The following DDAH1 variants were observed in gnomAD, a reference collection of about 807,000 sequenced individuals.
The protein encoded by DDAH1 is dimethylarginine dimethylaminohydrolase 1.
DDAH1 carries 19 observed loss-of-function variants against 28.8 expected under a neutral mutation model. The observed-to-expected ratio is 0.66, with a 90% CI of 0.46 to 0.97. The LOEUF (loss-of-function observed/expected upper bound fraction) is 0.97, where lower values mean the gene tolerates loss of function less well. Among genes scored for constraint, DDAH1 ranks in the 50% least tolerant of loss-of-function variants. The probability of loss-of-function intolerance (pLI) is 0.00; values close to 1 mark genes in which losing one functional copy is unlikely to be tolerated. For missense variants in DDAH1, 326 were observed against 375.9 expected (o/e 0.87, Z 1.10); for synonymous variants, 153 against 154.4 (o/e 0.99, Z 0.07).
intron 4 of DDAH1, among the ~76,000 whole-genome samples, chr1:85,331,023 C>A (rs894728097): frequency 3.9e-5 from 6 of 152,218 alleles, no homozygotes; most frequent in Non-Finnish European, 7.3e-5. Context: ...GCCACACTGT[C>A]ATGGTCTGTT....
chr1:85,464,859 C>A lies in DDAH1; in HGVS notation c.187G>T (p.Val63Leu). Residue 63 changes from valine to leucine, a missense_variant, in exon 1 of 6, where the codon GTG (valine) becomes TTG (leucine). By Grantham distance (32) the Val-to-Leu change is conservative (BLOSUM62 1). Coordinates refer to ENST00000284031, the MANE Select transcript of DDAH1 (RefSeq NM_012137.4). The surrounding 1 kb of genome is among the most constrained non-coding windows in gnomAD (Gnocchi z 4.4). ...AGGCTCTCGTCGGCCGGCAGCTCCA[C>A]CACCTGCAGCCCCAGCTTGCTGCCC... ...VLGSKLGLQV[V>L]ELPADESLPD... 2 of 1,586,282 alleles carry A rather than the reference C, an allele frequency of 1.3e-6. No homozygotes were observed. The highest frequency in any genetic ancestry group is 1.7e-6 in the Non-Finnish European group (2 of 1,174,518).
At chr1:85,576,946 C>A (rs569552258) in intron 1 of DDAH1, 29 of 151,288 alleles carry the variant, frequency 1.9e-4, no homozygotes, top group Non-Finnish European at 3.9e-4. Flanking sequence ...CAGGCCGGGT[C>A]GCAGGACAGC....
rs1553123153 is a variant in DDAH1, at chr1:85,339,062, A to AATAT, written c.597+11349_597+11352dup. ...ACTCCGTCTCAAAAAAAAAAAAAAA[A>AATAT]ATATATATATATATGATCTTCACAC... On this transcript the variant is annotated intron_variant, in intron 4 of 5. Transcript: ENST00000284031. Among the ~76,000 whole-genome samples the AATAT allele has an allele frequency of 2.8e-4, 37 of 133,704 alleles. 1 individual carries two copies. Among genetic ancestry groups the AATAT allele is most frequent in the South Asian group, 1.2e-3 (5 of 4,066 alleles). The allele number at this position is 133,704 out of a possible 152,430, so 87.7% of individuals were successfully genotyped here. A position where few individuals can be genotyped will look rare whatever the true frequency, so the allele number is the denominator to read the frequency against.
rs532121695 is a variant in DDAH1, at chr1:85,475,695, T to C, written c.-7+20471A>G. ...CACCATTATAAAATTATAGAGGGCT[T>C]CCATATATCGGGACCTGCATCATGC... On this transcript the variant is annotated intron_variant, in intron 2 of 6. Transcript: ENST00000426972. 1.5e-3 allele frequency among the ~76,000 whole-genome samples: 226 copies of C among 152,342 alleles called. 1 individual carries two copies. The highest frequency in any genetic ancestry group is 3.4e-3 in the Middle Eastern group (1 of 294).
chr1:85,401,674 C>T (rs1334909646), intron 1 of DDAH1, among the ~76,000 whole-genome samples: 4 of 151,082 alleles, frequency 2.6e-5, no homozygotes, highest in Admixed American at 6.6e-5. Flanking sequence ...TAATTTTTAA[C>T]GATTTTTTTG....
chr1:85,339,823 CCAAAACT>C (rs1421446263), intron 4 of DDAH1, among the ~76,000 whole-genome samples: 3 of 152,142 alleles, frequency 2.0e-5, no homozygotes, highest in Non-Finnish European at 4.4e-5. Flanking sequence ...AAACAGTAAC[CCAAAACT>C]CAAAACCCTC....
At chr1:85,353,648 C>A (rs1649346423) in intron 2 of DDAH1, among the ~76,000 whole-genome samples, 1 of 151,620 alleles carries the variant, frequency 6.6e-6, no homozygotes, top group African/African-American at 2.4e-5. Context: ...TAGTCAGCTA[C>A]AATGAAAAAA....
At chr1:85,396,723 G>T (rs1651830189) in intron 1 of DDAH1, among the ~76,000 whole-genome samples, 1 of 152,112 alleles carries the variant, frequency 6.6e-6, no homozygotes. Flanking sequence ...CCTTACATTT[G>T]TATAGATACG....
At position 85,318,827 on chromosome 1, in the gene DDAH1, C is replaced by G. The variant is rs1446139519; in HGVS notation, c.*2625G>C. The G allele has an allele frequency of 6.6e-6, 1 of 152,404 alleles. No homozygotes were observed. Among genetic ancestry groups the G allele is most frequent in the East Asian group, 1.9e-4 (1 of 5,202 alleles). The allele number at this position is 152,404 out of a possible 1,614,324, so 9.4% of individuals were successfully genotyped here. A position where few individuals can be genotyped will look rare whatever the true frequency, so the allele number is the denominator to read the frequency against. ...GAGGAGATGGCCTTAGTAATCTGTT[C>G]AGAGTAGCTGAAAAGACCAATCAAT... On this transcript the variant is annotated 3_prime_UTR_variant, in exon 6 of 6. Transcript: ENST00000284031.
At chr1:85,336,414 T>C (rs141094190) in intron 4 of DDAH1, among the ~76,000 whole-genome samples, 62 of 151,768 alleles carry the variant, frequency 4.1e-4, no homozygotes, top group African/African-American at 1.5e-3. Flanking sequence ...ACATGGAAAT[T>C]AAACAACATG....
intron 2 of DDAH1, among the ~76,000 whole-genome samples, chr1:85,481,799 C>T (rs1451954443): frequency 6.6e-6 from 1 of 152,220 alleles, no homozygotes; most frequent in Non-Finnish European, 1.5e-5. Flanking sequence ...CAGTTTCCCA[C>T]CACGGGAACA....
intron 1 of DDAH1, among the ~76,000 whole-genome samples, chr1:85,548,694 A>G (rs1201380190): frequency 6.6e-6 from 1 of 152,212 alleles, no homozygotes; most frequent in Non-Finnish European, 1.5e-5. Context: ...TCTATAATTT[A>G]GATTTGCATT....
chr1:85,563,399 T>G (rs1306986764), intron 1 of DDAH1, among the ~76,000 whole-genome samples: 1 of 152,146 alleles, frequency 6.6e-6, no homozygotes. Flanking sequence ...GCAGCCAGAG[T>G]GGAAAACTTC....
chr1:85,379,008 G>A (rs1008372920), intron 1 of DDAH1, among the ~76,000 whole-genome samples: 5 of 152,106 alleles, frequency 3.3e-5, no homozygotes, highest in Non-Finnish European at 7.4e-5. Flanking sequence ...GCAAAAATAT[G>A]TCTTAGGCCA....
chr1:85,372,468 T>A (rs1240889181), intron 1 of DDAH1, among the ~76,000 whole-genome samples: 1 of 152,142 alleles, frequency 6.6e-6, no homozygotes, highest in East Asian at 1.9e-4. Context: ...ATAGAAACAT[T>A]CCGGTCAATA....
intron 1 of DDAH1, among the ~76,000 whole-genome samples, chr1:85,448,739 C>A (rs758760444): frequency 6.6e-6 from 1 of 152,092 alleles, no homozygotes; most frequent in Non-Finnish European, 1.5e-5. Context: ...AAAAACCCCA[C>A]GAAACACAGG....
intron 1 of DDAH1, among the ~76,000 whole-genome samples, chr1:85,497,767 G>A (rs562961976): frequency 8.5e-4 from 129 of 152,252 alleles, no homozygotes; most frequent in Non-Finnish European, 1.4e-3. Flanking sequence ...ATTATAAAAT[G>A]TAACACAATT....
At chr1:85,513,020 C>A (rs1332174687) in intron 1 of DDAH1, among the ~76,000 whole-genome samples, 6 of 152,090 alleles carry the variant, frequency 3.9e-5, no homozygotes, top group Admixed American at 1.3e-4. Flanking sequence ...CATATGGAAC[C>A]AACAAAGAGC....
At chr1:85,382,626 A>G (rs72954640) in intron 1 of DDAH1, among the ~76,000 whole-genome samples, 161 of 152,350 alleles carry the variant, frequency 1.1e-3, no homozygotes, top group African/African-American at 3.7e-3. Context: ...GTAGCCTTAT[A>G]TTGGAAGAAA....
Sources: gnomAD v4.1 joint callset for allele counts (sites outside exome capture counted in the v4.1 genomes callset) on GRCh38, gnomAD v4.1.1 for gene constraint, Gnocchi (gnomAD v3.1) non-coding constraint, MANE v1.5 for transcripts, NCBI Gene and HGNC (gene_info 2026-07-23, HGNC 2026-07-21) for gene names.